Variants in KCNMA1 observed in about 807,000 individuals in gnomAD.
The protein encoded by KCNMA1 is potassium calcium-activated channel subfamily M alpha 1.
KCNMA1 carries 29 observed loss-of-function variants against 140.0 expected under a neutral mutation model. That is an observed-to-expected ratio of 0.21 (90% confidence interval 0.15 to 0.28). The LOEUF is 0.28. KCNMA1 is among the 10% of genes least tolerant of loss of function. The pLI, the probability that KCNMA1 is intolerant of heterozygous loss-of-function variation, is 1.00. For missense variants in KCNMA1, 880 were observed against 1,602.2 expected (o/e 0.55, Z 7.70); for synonymous variants, 612 against 611.9 (o/e 1.00, Z 0.00).
At chr10:77,459,618 T>A (rs114453477) in intron 1 of KCNMA1, among the ~76,000 whole-genome samples, 2 of 152,176 alleles carry the variant, frequency 1.3e-5, no homozygotes, top group Non-Finnish European at 2.9e-5. Flanking sequence ...ATTGTGGTAA[T>A]CAAAACACAG....
chr10:77,605,653 C>T (rs1331407061), intron 1 of KCNMA1, among the ~76,000 whole-genome samples: 1 of 152,222 alleles, frequency 6.6e-6, no homozygotes, highest in Non-Finnish European at 1.5e-5. Context: ...GAGCAGCCTC[C>T]CCACACTCTG....
At chr10:77,569,819 A>G (rs1043740569) in intron 1 of KCNMA1, among the ~76,000 whole-genome samples, 24 of 152,184 alleles carry the variant, frequency 1.6e-4, no homozygotes, top group African/African-American at 5.8e-4. Flanking sequence ...ATGGGAGAAA[A>G]TTTTCACAAC....
At chr10:77,039,488 TC>T (rs755631216) in intron 15 of KCNMA1, 39 bp downstream of exon 15, 1 of 1,188,286 alleles carries the variant, frequency 8.4e-7, no homozygotes, top group South Asian at 1.2e-5. Context: ...ACATTCAATA[TC>T]CCTGAAAGCC....
At chr10:77,032,484 A>C (rs2094004273) in intron 15 of KCNMA1, among the ~76,000 whole-genome samples, 1 of 152,180 alleles carries the variant, frequency 6.6e-6, no homozygotes, top group Non-Finnish European at 1.5e-5. Flanking sequence ...CAATAATTTA[A>C]TTATTGGTTT....
chr10:77,024,372 A>G (rs961132982), intron 16 of KCNMA1, among the ~76,000 whole-genome samples: 3 of 152,094 alleles, frequency 2.0e-5, no homozygotes, highest in Admixed American at 1.3e-4. Context: ...TTGGAAAAAG[A>G]TACAGACAAA....
intron 16 of KCNMA1, chr10:77,020,130 T>C (rs1208399833): frequency 6.6e-6 from 1 of 152,162 alleles, no homozygotes; most frequent in Non-Finnish European, 1.5e-5. Context: ...GTATTCCTTG[T>C]TCTGAAAAGA....
At position 77,156,227 on chromosome 10, in the gene KCNMA1, TAAAAAAAAAA is replaced by T. The variant is rs58950492; in HGVS notation, c.808+27184_808+27193del. 9.5e-4 allele frequency among the ~76,000 whole-genome samples: 115 copies of T among 120,610 alleles called. 1 individual carries two copies. Among genetic ancestry groups the T allele is most frequent in the East Asian group, 8.6e-3 (40 of 4,626 alleles). The allele number at this position is 120,610 out of a possible 152,430, so 79.1% of individuals were successfully genotyped here. A position where few individuals can be genotyped will look rare whatever the true frequency, so the allele number is the denominator to read the frequency against. ...TGGGTGACAGAGCGAGACTCCATCT[TAAAAAAAAAA>T]AAAAAAAAAAAAAAAAAAGTTAAAT... On this transcript the variant is annotated intron_variant, in intron 5 of 27. Transcript: ENST00000286628.
intron 2 of KCNMA1, among the ~76,000 whole-genome samples, chr10:77,317,997 T>C (rs1382044162): frequency 6.6e-6 from 1 of 152,172 alleles, no homozygotes; most frequent in Non-Finnish European, 1.5e-5. Flanking sequence ...GCAGTAGTGA[T>C]GGAAGAGAGG....
chr10:77,557,739 G>T (rs147590651), intron 1 of KCNMA1, among the ~76,000 whole-genome samples: 1 of 146,960 alleles, frequency 6.8e-6, no homozygotes, highest in African/African-American at 2.5e-5. Flanking sequence ...TGCAACCTCC[G>T]CCTCCTGGGT....
chr10:76,914,629 A>T, intron 24 of KCNMA1: 2 of 368,584 alleles, frequency 5.4e-6, no homozygotes, highest in South Asian at 2.7e-5. Flanking sequence ...CCGTGAACTA[A>T]GCCTTTCCTC....
At chr10:77,446,390 C>G (rs916565587) in intron 1 of KCNMA1, among the ~76,000 whole-genome samples, 2 of 152,174 alleles carry the variant, frequency 1.3e-5, no homozygotes, top group Non-Finnish European at 2.9e-5. Flanking sequence ...AGATGCCAGT[C>G]CAAGAGCTAG....
chr10:76,891,494 A>T (rs2040061962), intron 26 of KCNMA1, 31 bp downstream of exon 26: 1 of 1,585,448 alleles, frequency 6.3e-7, no homozygotes, highest in Admixed American at 1.7e-5. Flanking sequence ...CCAAACAGCA[A>T]GCTCAGGTGA....
At chr10:77,154,730 T>G (rs1355786271) in intron 5 of KCNMA1, among the ~76,000 whole-genome samples, 2 of 152,168 alleles carry the variant, frequency 1.3e-5, no homozygotes, top group Non-Finnish European at 2.9e-5. Context: ...CTGTGTTGGA[T>G]GAAAATACTG....
At chr10:77,128,412 T>TTTA (rs202023226) in intron 5 of KCNMA1, among the ~76,000 whole-genome samples, 1 of 115,592 alleles carries the variant, frequency 8.7e-6, no homozygotes, top group African/African-American at 3.2e-5. Flanking sequence ...TTTTTTTTTT[T>TTTA]ACTGCATCTA....
intron 1 of KCNMA1, among the ~76,000 whole-genome samples, chr10:77,482,290 C>T (rs1349356554): frequency 2.6e-5 from 4 of 152,236 alleles, no homozygotes; most frequent in Admixed American, 2.0e-4. Flanking sequence ...TGTCCTGACT[C>T]CAGTAAGCTG....
chr10:77,035,864 G>A (rs1446678446), intron 15 of KCNMA1, among the ~76,000 whole-genome samples: 2 of 152,190 alleles, frequency 1.3e-5, no homozygotes, highest in Non-Finnish European at 2.9e-5. Flanking sequence ...TTCAGAGAAG[G>A]AGATTGGAGT....
intron 1 of KCNMA1, among the ~76,000 whole-genome samples, chr10:77,453,726 G>T (rs1294355043): frequency 6.6e-6 from 1 of 152,210 alleles, no homozygotes; most frequent in African/African-American, 2.4e-5. Context: ...ACTGCCCAGT[G>T]AATACTTGAG....
At chr10:77,383,704 C>A (rs1182246235) in intron 2 of KCNMA1, among the ~76,000 whole-genome samples, 1 of 152,044 alleles carries the variant, frequency 6.6e-6, no homozygotes, top group Non-Finnish European at 1.5e-5. Flanking sequence ...TTTCCACTTA[C>A]AGCATTGTTG....
At chr10:77,084,554 A>G in intron 12 of KCNMA1, 83 bp downstream of exon 12, 1 of 1,040,362 alleles carries the variant, frequency 9.6e-7, no homozygotes, top group Non-Finnish European at 1.5e-6. Context: ...TCATAGAGAT[A>G]GTCCTCTGCA....
Sources: gnomAD v4.1 joint callset for allele counts (sites outside exome capture counted in the v4.1 genomes callset) on GRCh38, gnomAD v4.1.1 for gene constraint, MANE v1.5 for transcripts, NCBI Gene and HGNC (gene_info 2026-07-23, HGNC 2026-07-21) for gene names.